The following ASPRV1 variants were observed in gnomAD, a reference collection of about 807,000 sequenced individuals.
ASPRV1 encodes the protein retroviral-like aspartic protease 1.
In ASPRV1, 7 loss-of-function variants were observed where a neutral mutation model predicts 11.0. The observed-to-expected ratio is 0.64, with a 90% CI of 0.36 to 1.20. ASPRV1 has a LOEUF of 1.20. ASPRV1 is among the 50% of genes most tolerant of loss of function. The pLI, the probability that ASPRV1 is intolerant of heterozygous loss-of-function variation, is 0.02. For synonymous variants in ASPRV1, 136 were observed against 138.4 expected, an observed-to-expected ratio of 0.98 and a Z score of 0.12; for missense variants, 299 against 320.0, an observed-to-expected ratio of 0.93 and a Z score of 0.50.
At chr2:70,067,916 G>A in the ASPRV1 span, among the ~76,000 whole-genome samples, 1 of 152,178 alleles carries the variant, frequency 6.6e-6, no homozygotes, top group African/African-American at 2.4e-5. Flanking sequence ...TGGGCAGGAG[G>A]AGAAGCTTAC....
At chr2:69,964,851 T>C (rs1311066463), upstream of ASPRV1, 1 of 152,588 alleles carries the variant, frequency 6.6e-6, no homozygotes, top group African/African-American at 2.4e-5. Context: ...TGCTGTTTCT[T>C]TTCTGCTGTT....
the ASPRV1 span, among the ~76,000 whole-genome samples, chr2:70,080,089 T>C: frequency 1.3e-5 from 2 of 152,152 alleles, no homozygotes; most frequent in Non-Finnish European, 2.9e-5. Flanking sequence ...CTTGAACTCC[T>C]TTCTCTCCCC....
chr2:69,940,100 T>G, the ASPRV1 span: 2 of 141,512 alleles, frequency 1.4e-5, no homozygotes, highest in Non-Finnish European at 3.1e-5. Context: ...GTTCTGTCTT[T>G]TCTTCATTTT....
At chr2:69,976,889 G>A in the ASPRV1 span, among the ~76,000 whole-genome samples, 1 of 152,082 alleles carries the variant, frequency 6.6e-6, no homozygotes, top group Non-Finnish European at 1.5e-5. Context: ...ACACCGAGGA[G>A]ACACAAACTG....
the ASPRV1 span, among the ~76,000 whole-genome samples, chr2:70,033,763 A>G: frequency 6.6e-6 from 1 of 152,310 alleles, no homozygotes; most frequent in African/African-American, 2.4e-5. Flanking sequence ...ATATCTCTCT[A>G]TATCAACTCT....
At chr2:69,987,365 G>T in the ASPRV1 span, among the ~76,000 whole-genome samples, 1 of 151,914 alleles carries the variant, frequency 6.6e-6, no homozygotes, top group Admixed American at 6.6e-5. Context: ...CCCACGGTGG[G>T]CTATCCTTGG....
At chr2:70,037,519 G>C in the ASPRV1 span, among the ~76,000 whole-genome samples, 1 of 152,192 alleles carries the variant, frequency 6.6e-6, no homozygotes, top group Non-Finnish European at 1.5e-5. Flanking sequence ...ACCTCCCAAA[G>C]TGTTGGGATT....
At chr2:70,040,735 G>A in the ASPRV1 span, among the ~76,000 whole-genome samples, 5 of 152,068 alleles carry the variant, frequency 3.3e-5, no homozygotes, top group African/African-American at 9.7e-5. Flanking sequence ...TCGGGAGGCT[G>A]AGGCAGGAGA....
At chr2:70,025,744 C>T in the ASPRV1 span, among the ~76,000 whole-genome samples, 1 of 152,202 alleles carries the variant, frequency 6.6e-6, no homozygotes, top group African/African-American at 2.4e-5. Flanking sequence ...CTTCTGCTGA[C>T]ACAAATGGTC....
chr2:70,007,578 A>T, the ASPRV1 span, among the ~76,000 whole-genome samples: 1 of 151,744 alleles, frequency 6.6e-6, no homozygotes, highest in Non-Finnish European at 1.5e-5. Flanking sequence ...ATAAGTAATA[A>T]ATATGAATAT....
At chr2:70,077,914 T>A in the ASPRV1 span, among the ~76,000 whole-genome samples, 1 of 151,772 alleles carries the variant, frequency 6.6e-6, no homozygotes, top group African/African-American at 2.4e-5. Context: ...ACACCTATAA[T>A]CCCAGCACTC....
At chr2:70,079,270 C>T in the ASPRV1 span, among the ~76,000 whole-genome samples, 3 of 151,674 alleles carry the variant, frequency 2.0e-5, no homozygotes, top group African/African-American at 7.3e-5. Flanking sequence ...AAGTCTTGAT[C>T]GAATCCAGCC....
the ASPRV1 span, among the ~76,000 whole-genome samples, chr2:70,071,081 T>TGGC: frequency 6.6e-6 from 1 of 152,186 alleles, no homozygotes; most frequent in Non-Finnish European, 1.5e-5. Flanking sequence ...TGAGCTCTGA[T>TGGC]GGCGTATGCA....
chr2:70,020,344 T>C, the ASPRV1 span, among the ~76,000 whole-genome samples: 11 of 152,168 alleles, frequency 7.2e-5, no homozygotes, highest in African/African-American at 2.4e-4. Context: ...GCAACCCAAA[T>C]GTCTATCAGT....
At chr2:70,056,625 A>AAAAAAAAAAAAAAAAAG in the ASPRV1 span, 118 of 145,258 alleles carry the variant, frequency 8.1e-4, 8 homozygotes, top group Admixed American at 5.0e-3. Flanking sequence ...AAAAAAAAAA[A>AAAAAAAAAAAAAAAAAG]GTGGTTAAAA....
the ASPRV1 span, among the ~76,000 whole-genome samples, chr2:70,061,538 G>A: frequency 2.0e-5 from 3 of 152,306 alleles, no homozygotes; most frequent in South Asian, 2.1e-4. Context: ...CGAACTGTGA[G>A]CAGATGAAGG....
the ASPRV1 span, among the ~76,000 whole-genome samples, chr2:70,073,986 T>C: frequency 6.6e-6 from 1 of 151,098 alleles, no homozygotes; most frequent in Non-Finnish European, 1.5e-5. Flanking sequence ...ACAAAAAAAT[T>C]AGCCGGGCAT....
the ASPRV1 span, chr2:69,938,288 AGTGG>A: frequency 1.1e-5 from 18 of 1,613,656 alleles, no homozygotes; most frequent in Non-Finnish European, 1.4e-5. Context: ...TCTCTAAGAG[AGTGG>A]GCACTGCGGC....
the ASPRV1 span, among the ~76,000 whole-genome samples, chr2:69,978,180 T>A: frequency 6.6e-6 from 1 of 152,130 alleles, no homozygotes; most frequent in East Asian, 1.9e-4. Context: ...GATCCCAGCA[T>A]TCTGAGAAAT....
Sources: allele counts gnomAD v4.1 joint callset (sites outside exome capture counted in the v4.1 genomes callset), GRCh38; gene constraint gnomAD v4.1.1; transcripts MANE v1.5; gene names NCBI Gene and HGNC (gene_info 2026-07-23, HGNC 2026-07-21).